Variants in TTLL11 observed in about 807,000 individuals in gnomAD.
TTLL11 encodes tubulin polyglutamylase TTLL11.
TTLL11 carries 42 observed loss-of-function variants against 51.7 expected under a neutral mutation model. The ratio of observed to expected loss-of-function variants is 0.81; its 90% confidence interval spans 0.64 to 1.05. The LOEUF is 1.05. TTLL11 is among the 50% of genes least tolerant of loss of function. The pLI is 0.00. For missense variants in TTLL11, 799 were observed against 940.4 expected, an observed-to-expected ratio of 0.85 and a Z score of 1.97; for synonymous variants, 381 against 383.5, an observed-to-expected ratio of 0.99 and a Z score of 0.08.
At chr9:121,879,453 A>G (rs1295935346) in intron 6 of TTLL11, among the ~76,000 whole-genome samples, 1 of 152,200 alleles carries the variant, frequency 6.6e-6, no homozygotes, top group Non-Finnish European at 1.5e-5. Flanking sequence ...TCTATTGAGG[A>G]TGAAGTAATG....
At chr9:122,039,186 A>C in intron 2 of TTLL11, 86 bp downstream of exon 2, 1 of 1,167,706 alleles carries the variant, frequency 8.6e-7, no homozygotes, top group East Asian at 2.4e-5. Flanking sequence ...TCTGATCTCA[A>C]AAATAACTGT....
intron 8 of TTLL11, among the ~76,000 whole-genome samples, chr9:121,831,073 G>A (rs1481403333): frequency 1.3e-5 from 2 of 152,202 alleles, no homozygotes; most frequent in African/African-American, 4.8e-5. Context: ...GGCATCTGAG[G>A]TTTGCCCATG....
chr9:121,950,003 C>G lies in TTLL11; in HGVS notation c.1481+24006G>C, dbSNP rs149570737. 5.5e-4 allele frequency among the ~76,000 whole-genome samples: 84 copies of G among 152,218 alleles called. No individual in the cohort carries two copies. In the East Asian group the frequency reaches 0.016, roughly 29 times the overall value. ...TCCAGCCTCTACTCACACTCCCTGG[C>G]TTGGTGGAGGTTATCTTTCACCTTT... is the stretch of plus-strand genomic sequence containing the variant. On this transcript the variant is annotated intron_variant, in intron 6 of 8. Transcript: ENST00000321582.
chr9:121,887,424 G>A (rs1207778859), intron 6 of TTLL11, among the ~76,000 whole-genome samples: 1 of 152,182 alleles, frequency 6.6e-6, no homozygotes, highest in South Asian at 2.1e-4. Context: ...GCATATGGAT[G>A]GCAATGGTGG....
At chr9:121,904,349 G>A (rs1839864297) in intron 6 of TTLL11, among the ~76,000 whole-genome samples, 1 of 151,998 alleles carries the variant, frequency 6.6e-6, no homozygotes, top group South Asian at 2.1e-4. Flanking sequence ...GCTAATTTTT[G>A]TATTTTTAGT....
At chr9:121,892,240 C>A (rs2131445532) in intron 6 of TTLL11, among the ~76,000 whole-genome samples, 1 of 150,270 alleles carries the variant, frequency 6.7e-6, no homozygotes. Flanking sequence ...TTCCAATCAG[C>A]AGCATCAAGT....
At chr9:121,943,427 G>A (rs1841563428) in intron 6 of TTLL11, among the ~76,000 whole-genome samples, 1 of 152,166 alleles carries the variant, frequency 6.6e-6, no homozygotes, top group African/African-American at 2.4e-5. Context: ...ATGCAGGAAA[G>A]ACTCACCACT....
chr9:121,842,958 G>T (rs1837403710), intron 8 of TTLL11, among the ~76,000 whole-genome samples: 1 of 152,176 alleles, frequency 6.6e-6, no homozygotes, highest in East Asian at 1.9e-4. Flanking sequence ...GGAGTACAGA[G>T]CTTAAATCTC....
chr9:121,899,780 T>C (rs1424771582), intron 6 of TTLL11, among the ~76,000 whole-genome samples: 1 of 152,200 alleles, frequency 6.6e-6, no homozygotes, highest in Non-Finnish European at 1.5e-5. Flanking sequence ...GTAAGCTCCA[T>C]GACATTTGGG....
intron 8 of TTLL11, among the ~76,000 whole-genome samples, chr9:121,835,143 A>G (rs1029670411): frequency 3.9e-5 from 6 of 152,198 alleles, no homozygotes; most frequent in Admixed American, 3.9e-4. Flanking sequence ...CGAGGATTCC[A>G]CAAGTATTGG....
chr9:122,049,212 C>T (rs1845095702), intron 1 of TTLL11, among the ~76,000 whole-genome samples: 1 of 152,164 alleles, frequency 6.6e-6, no homozygotes, highest in South Asian at 2.1e-4. Context: ...TTAGGTAATG[C>T]TTATTCCTAT....
At chr9:121,863,293 C>T (rs1838075341) in intron 7 of TTLL11, among the ~76,000 whole-genome samples, 5 of 152,164 alleles carry the variant, frequency 3.3e-5, no homozygotes, top group Admixed American at 3.3e-4. Flanking sequence ...GGTATTCGAA[C>T]AGCCTGCATT....
chr9:121,824,600 T>A (rs1218850442), intron 8 of TTLL11, among the ~76,000 whole-genome samples: 4 of 151,638 alleles, frequency 2.6e-5, no homozygotes, highest in Non-Finnish European at 1.5e-5. Flanking sequence ...GTTTTTTAAC[T>A]AAGTTGTTAA....
At chr9:122,084,297 A>G (rs1300324937) in intron 1 of TTLL11, among the ~76,000 whole-genome samples, 1 of 152,196 alleles carries the variant, frequency 6.6e-6, no homozygotes, top group African/African-American at 2.4e-5. Context: ...GAGGGAAGGA[A>G]GCCGCCAGAA....
intron 6 of TTLL11, among the ~76,000 whole-genome samples, chr9:121,943,491 G>A (rs1380619561): frequency 3.3e-5 from 5 of 152,054 alleles, no homozygotes; most frequent in African/African-American, 1.2e-4. Context: ...TTTTACCGAG[G>A]GACAAAACCT....
intron 1 of TTLL11, among the ~76,000 whole-genome samples, chr9:122,078,199 T>C (rs1588262404): frequency 6.6e-6 from 1 of 151,838 alleles, no homozygotes; most frequent in South Asian, 2.1e-4. Context: ...GAAGAAGTAA[T>C]AAAGAGCAGC....
intron 3 of TTLL11, among the ~76,000 whole-genome samples, chr9:122,000,471 CAAAAAAA>C (rs57775265): frequency 0.067 from 1,527 of 22,758 alleles, 23 homozygotes; most frequent in African/African-American, 0.18. Flanking sequence ...GACTCCGTCG[CAAAAAAA>C]AAAAAAAAAA....
chr9:121,956,478 T>C (rs73551449), intron 6 of TTLL11, among the ~76,000 whole-genome samples: 1,671 of 152,324 alleles, frequency 0.011, 24 homozygotes, highest in African/African-American at 0.033. Flanking sequence ...CACCTACGAG[T>C]AGAGTTGTAT....
At chr9:121,929,331 T>G (rs375100611) in intron 6 of TTLL11, among the ~76,000 whole-genome samples, 1 of 151,604 alleles carries the variant, frequency 6.6e-6, no homozygotes, top group South Asian at 2.1e-4. Flanking sequence ...TCCCAGCTAC[T>G]CAGGAGGCTG....
Sources: gnomAD v4.1 joint callset for allele counts (sites outside exome capture counted in the v4.1 genomes callset) on GRCh38, gnomAD v4.1.1 for gene constraint, MANE v1.5 for transcripts, NCBI Gene and HGNC (gene_info 2026-07-23, HGNC 2026-07-21) for gene names.